Variants in KIF1A observed in about 807,000 individuals in gnomAD.
The protein encoded by KIF1A is kinesin-like protein KIF1A.
In KIF1A, 46 loss-of-function variants were observed where a neutral mutation model predicts 227.3. The observed-to-expected ratio is 0.20, with a 90% CI of 0.16 to 0.26. KIF1A has a LOEUF of 0.26. Among genes scored for constraint, KIF1A ranks in the 10% least tolerant of loss-of-function variants. The pLI is 1.00. For missense variants in KIF1A, 1,683 were observed against 2,485.9 expected (o/e 0.68, Z 6.87); for synonymous variants, 1,022 against 1,012.8 (o/e 1.01, Z -0.17).
intron 15 of KIF1A, among the ~76,000 whole-genome samples, chr2:240,770,723 C>A (rs750783702): frequency 6.6e-6 from 1 of 152,224 alleles, no homozygotes; most frequent in Non-Finnish European, 1.5e-5. Flanking sequence ...ATTTCCTGCC[C>A]AGCAGCTGAG....
rs772443183 is a variant in KIF1A at position 240,742,953 on chromosome 2, G to T, written c.3616C>A (p.Arg1206=). ...CCTGGCTTGGACAGTGGCATGACCC[G>T]AGGGAAGTGGCGGCGCGAGGGCCTC... The part of the protein sequence containing the change: ...PLRPSRRHFP[R]VMPLSKPVPA... The change falls in exon 34 of 49, where the codon CGG becomes AGG. Residue 1206 remains arginine (R), a synonymous_variant. Transcript: ENST00000498729. 1 of 1,611,788 alleles carries T rather than the reference G, an allele frequency of 6.2e-7. No homozygotes were observed. Among genetic ancestry groups the T allele is most frequent in the East Asian group, 2.2e-5 (1 of 44,830 alleles).
intron 46 of KIF1A, among the ~76,000 whole-genome samples, 176 bp from the exon 47 acceptor site, chr2:240,719,374 C>T (rs549947659): frequency 1.5e-4 from 23 of 152,320 alleles, no homozygotes; most frequent in Admixed American, 7.2e-4. Context: ...AGGCCGGAGA[C>T]CAGACCACCA....
chr2:240,812,291 G>A lies in KIF1A; in HGVS notation c.-61+7831C>T, dbSNP rs78035765. On this transcript the variant is annotated intron_variant, in intron 1 of 48. Transcript: ENST00000498729. ...GTGGCACCAAGGCAGATGACAAAGC[G>A]TGCCTCAGCTCGAGGAGTGTCCAGG... Among the ~76,000 whole-genome samples the A allele has an allele frequency of 4.4e-3, 672 of 152,322 alleles. 22 individuals are homozygous for A. The East Asian group carries it at 0.082, about 19-fold the overall frequency.
At chr2:240,771,489 G>T (rs2051982183) in intron 14 of KIF1A, among the ~76,000 whole-genome samples, 1 of 152,100 alleles carries the variant, frequency 6.6e-6, no homozygotes, top group Non-Finnish European at 1.5e-5. Context: ...CAGGCTTCTT[G>T]CTTTCCCACA....
At chr2:240,738,977 A>G (rs951130885) in intron 37 of KIF1A, among the ~76,000 whole-genome samples, 2 of 152,268 alleles carry the variant, frequency 1.3e-5, no homozygotes, top group Non-Finnish European at 2.9e-5. Context: ...CGTTCTGCCT[A>G]TAAATCAATT....
intron 17 of KIF1A, among the ~76,000 whole-genome samples, chr2:240,768,093 A>C (rs1171525989): frequency 6.6e-6 from 1 of 152,224 alleles, no homozygotes; most frequent in African/African-American, 2.4e-5. Context: ...TGGCCTGTGC[A>C]CGTCTCGTGA....
intron 1 of KIF1A, among the ~76,000 whole-genome samples, chr2:240,802,341 T>A (rs1031270615): frequency 2.0e-5 from 3 of 151,972 alleles, no homozygotes; most frequent in Non-Finnish European, 2.9e-5. Context: ...ATCCAAAAAA[T>A]TAAAATTTAT....
At chr2:240,717,767 A>G (rs974187822) in intron 48 of KIF1A, among the ~76,000 whole-genome samples, 1 of 152,236 alleles carries the variant, frequency 6.6e-6, no homozygotes, top group Non-Finnish European at 1.5e-5. Flanking sequence ...GGGAGCATTA[A>G]TAGCCCTAAG....
In KIF1A at chr2:240,765,643, C is replaced by G. The variant is rs1575593449; in HGVS notation, c.1768+67G>C. On this transcript the variant is annotated intron_variant, in intron 20 of 48. Coordinates refer to ENST00000498729, the MANE Select transcript of KIF1A (RefSeq NM_001244008.2). Reference sequence around the variant, plus strand: ...AGTGCACAGGAGGCGGTGGCTTGGACATGGGAACAGAGGCCTCGCCTCATG... The same window carrying G: ...AGTGCACAGGAGGCGGTGGCTTGGAGATGGGAACAGAGGCCTCGCCTCATG... The G allele has an allele frequency of 5.4e-6, 7 of 1,291,488 alleles. No homozygotes were observed. In the East Asian group the frequency reaches 1.7e-4, roughly 31 times the overall value. The allele number at this position is 1,291,488 out of a possible 1,614,324, so 80.0% of individuals were successfully genotyped here.
At chr2:240,733,361 C>T (rs2046972828) in intron 38 of KIF1A, among the ~76,000 whole-genome samples, 1 of 152,146 alleles carries the variant, frequency 6.6e-6, no homozygotes, top group Non-Finnish European at 1.5e-5. Flanking sequence ...TGCAAGCCCG[C>T]CAGACTCACT....
At chr2:240,759,682 T>C (rs1387685861) in intron 25 of KIF1A, among the ~76,000 whole-genome samples, 1 of 152,162 alleles carries the variant, frequency 6.6e-6, no homozygotes, top group Non-Finnish European at 1.5e-5. Flanking sequence ...CTGATGGCGC[T>C]GACCTCACAT....
intron 1 of KIF1A, among the ~76,000 whole-genome samples, chr2:240,812,568 C>A (rs1439336901): frequency 6.6e-6 from 1 of 150,706 alleles, no homozygotes; most frequent in Non-Finnish European, 1.5e-5. Flanking sequence ...CCTCGGGATC[C>A]ACATTCACCT....
At chr2:240,741,459 G>A (rs1017917821) in intron 34 of KIF1A, 82 bp from the exon 35 acceptor site, 78 of 1,077,664 alleles carry the variant, frequency 7.2e-5, no homozygotes, top group African/African-American at 6.6e-4. Context: ...AGGAGATGCC[G>A]GGGCCAAAGG....
At chr2:240,738,797 C>CGAAG (rs745965881) in intron 37 of KIF1A, among the ~76,000 whole-genome samples, 1 of 152,228 alleles carries the variant, frequency 6.6e-6, no homozygotes, top group African/African-American at 2.4e-5. Flanking sequence ...GACCCAGGCC[C>CGAAG]GAAGGATGCG....
intron 42 of KIF1A, 150 bp from the exon 43 acceptor site, chr2:240,722,806 G>A: frequency 1.6e-6 from 1 of 636,710 alleles, no homozygotes; most frequent in Non-Finnish European, 2.5e-6. Flanking sequence ...GCCCTCAGCT[G>A]TGAAATGAGG....
chr2:240,770,915 TC>T, intron 15 of KIF1A, 55 bp downstream of exon 15: 1 of 1,592,946 alleles, frequency 6.3e-7, no homozygotes, highest in Admixed American at 1.7e-5. Context: ...CTCTAACTCC[TC>T]CGAGCTCCCC....
At chr2:240,780,419 C>T (rs2053499305) in intron 10 of KIF1A, among the ~76,000 whole-genome samples, 1 of 152,124 alleles carries the variant, frequency 6.6e-6, no homozygotes, top group African/African-American at 2.4e-5. Flanking sequence ...CCACACACTT[C>T]CCGCCTGCTT....
chr2:240,754,532 G>A (rs1418863569), intron 27 of KIF1A, among the ~76,000 whole-genome samples: 1 of 152,234 alleles, frequency 6.6e-6, no homozygotes, highest in African/African-American at 2.4e-5. Context: ...GCCAACCAAT[G>A]CACCCGAAGT....
rs561458201 is a variant in KIF1A at position 240,788,589 on chromosome 2, C to T, written c.184-359G>A. On this transcript the variant is annotated intron_variant, in intron 3 of 48. Transcript: ENST00000498729. This position sits in a 1 kb window ranked among gnomAD's most constrained non-coding sequence, Gnocchi z 6.6. ...AGACTGGGGACAGGGTGCAAAGGCC[C>T]AGAGACCCCACAGGCTGGGCTACAG... Among the ~76,000 whole-genome samples, 1 of 152,182 alleles carries T rather than the reference C, an allele frequency of 6.6e-6. No homozygotes were observed. Among genetic ancestry groups the T allele is most frequent in the African/African-American group, 2.4e-5 (1 of 41,518 alleles).
Sources: allele counts gnomAD v4.1 joint callset (sites outside exome capture counted in the v4.1 genomes callset), GRCh38; gene constraint gnomAD v4.1.1; non-coding constraint Gnocchi (gnomAD v3.1); transcripts MANE v1.5; gene names NCBI Gene and HGNC (gene_info 2026-07-23, HGNC 2026-07-21).